The following MKNK1 variants were observed in gnomAD, a reference collection of about 807,000 sequenced individuals.
MKNK1 encodes the protein MAP kinase-interacting serine/threonine-protein kinase 1.
MKNK1 carries 30 observed loss-of-function variants against 49.3 expected under a neutral mutation model. The observed-to-expected ratio is 0.61, with a 90% CI of 0.46 to 0.83. The LOEUF is 0.83. Ranked by LOEUF, MKNK1 falls within the 40% of genes least tolerant of loss-of-function variation. The pLI is 0.00. For missense variants in MKNK1, 423 were observed against 524.7 expected, an observed-to-expected ratio of 0.81 and a Z score of 1.89; for synonymous variants, 176 against 201.7, an observed-to-expected ratio of 0.87 and a Z score of 1.08.
In MKNK1 at chr1:46,562,863, G is replaced by A; in HGVS notation, c.610-20C>T. On this transcript the variant is annotated intron_variant, in intron 9 of 12. Transcript: ENST00000371945. ...GCCACACTGTGGGGGCCAGGGTTGG[G>A]GGAGGGGGAGATGGCAGAGAACAGA... is the stretch of plus-strand genomic sequence containing the variant. The A allele has an allele frequency of 1.3e-6, 2 of 1,588,822 alleles. No individual in the cohort carries two copies. Among genetic ancestry groups the A allele is most frequent in the Middle Eastern group, 1.7e-4 (1 of 5,930 alleles).
Position 46,572,110 on chromosome 1 carries a change from C to T in MKNK1, c.410G>A (p.Arg137Gln), listed in dbSNP as rs780343868. 22 of 1,614,050 alleles carry T rather than the reference C, an allele frequency of 1.4e-5. No individual in the cohort carries two copies. The highest frequency in any genetic ancestry group is 4.5e-5 in the East Asian group (2 of 44,906). ...GGCAGCAGCAACGTCCCGCACCACT[C>T]GGCTGGCTTCTCGCTCATTGAAGTG... ...QKHFNEREAS[R>Q]VVRDVAAALD... Residue 137 changes from arginine (R) to glutamine (Q), a missense_variant, in exon 7 of 13, where the codon CGA (arginine) becomes CAA (glutamine). By Grantham distance (43) the Arg-to-Gln change is conservative. Transcript: ENST00000371945.
At chr1:46,600,324 A>T (rs967601977) in intron 1 of MKNK1, among the ~76,000 whole-genome samples, 7 of 152,230 alleles carry the variant, frequency 4.6e-5, no homozygotes, top group Admixed American at 4.6e-4. Context: ...ATTTCTCAAT[A>T]CCAGGGTCTT....
intron 3 of MKNK1, among the ~76,000 whole-genome samples, chr1:46,582,073 T>C (rs1426772035): frequency 6.6e-6 from 1 of 152,202 alleles, no homozygotes; most frequent in Non-Finnish European, 1.5e-5. Context: ...TTGCACAAGC[T>C]GTCCTTAAAA....
chr1:46,564,202 AG>A (rs1237580666), intron 9 of MKNK1, among the ~76,000 whole-genome samples: 1 of 152,106 alleles, frequency 6.6e-6, no homozygotes, highest in African/African-American at 2.4e-5. Context: ...GTGAAATCAG[AG>A]AAGCAAACAG....
At chr1:46,584,441 G>C (rs1351254588) in intron 2 of MKNK1, 3 of 151,878 alleles carry the variant, frequency 2.0e-5, no homozygotes, top group African/African-American at 7.3e-5. Flanking sequence ...TACGATGTGA[G>C]AGACTTTTAG....
chr1:46,571,505 A>T (rs578068599), intron 7 of MKNK1: 1 of 428,158 alleles, frequency 2.3e-6, no homozygotes, highest in Non-Finnish European at 4.6e-6. Flanking sequence ...ATGGCGCCAT[A>T]GCACTCCAGC....
intron 2 of MKNK1, among the ~76,000 whole-genome samples, chr1:46,590,457 T>C (rs1673175695): frequency 6.6e-6 from 1 of 152,234 alleles, no homozygotes; most frequent in African/African-American, 2.4e-5. Flanking sequence ...TACTAACTTA[T>C]TTAATCATCA....
chr1:46,585,249 CAAAAAAAAAAAAAAAAA>C (rs58692301), intron 2 of MKNK1, among the ~76,000 whole-genome samples: 2 of 62,132 alleles, frequency 3.2e-5, no homozygotes, highest in African/African-American at 6.3e-5. Flanking sequence ...GATTCCGTCT[CAAAAAAAAAAAAAAAAA>C]AAAAAAAAAA....
chr1:46,571,541 T>G (rs2148636875), intron 7 of MKNK1: 1 of 441,382 alleles, frequency 2.3e-6, no homozygotes, highest in Middle Eastern at 3.3e-4. Flanking sequence ...AGACTTTGTC[T>G]AAAAAGGAAA....
intron 5 of MKNK1, chr1:46,576,157 T>G (rs899972197): frequency 3.6e-5 from 7 of 195,232 alleles, no homozygotes; most frequent in Non-Finnish European, 6.3e-5. Flanking sequence ...TCTGCACATA[T>G]GTAAACATTC....
intron 3 of MKNK1, among the ~76,000 whole-genome samples, chr1:46,582,125 C>T (rs1671839419): frequency 6.6e-6 from 1 of 152,142 alleles, no homozygotes; most frequent in South Asian, 2.1e-4. Context: ...AGCAAAAGAG[C>T]TGTTGATTAG....
At chr1:46,597,868 C>T (rs1189591414) in intron 1 of MKNK1, among the ~76,000 whole-genome samples, 2 of 152,142 alleles carry the variant, frequency 1.3e-5, no homozygotes, top group African/African-American at 4.8e-5. Flanking sequence ...CAGTCTGGGT[C>T]ACTGCCACAA....
intron 3 of MKNK1, chr1:46,582,680 C>G (rs546343867): frequency 3.3e-5 from 12 of 359,378 alleles, no homozygotes; most frequent in Admixed American, 1.5e-4. Context: ...CCTAGTGCCT[C>G]GCACACAGAG....
At chr1:46,587,930 C>T (rs1672806065) in intron 2 of MKNK1, among the ~76,000 whole-genome samples, 1 of 152,156 alleles carries the variant, frequency 6.6e-6, no homozygotes, top group Non-Finnish European at 1.5e-5. Context: ...AGTAGAAAGA[C>T]TAGACAGAAA....
intron 7 of MKNK1, chr1:46,571,511 C>T (rs1393136647): frequency 2.3e-6 from 1 of 432,026 alleles, no homozygotes; most frequent in Non-Finnish European, 4.6e-6. Flanking sequence ...CCATAGCACT[C>T]CAGCCTAGGT....
intron 1 of MKNK1, among the ~76,000 whole-genome samples, chr1:46,599,130 C>T (rs888326730): frequency 7.2e-5 from 11 of 152,164 alleles, no homozygotes; most frequent in Middle Eastern, 3.2e-3. Context: ...AGCAACCCAA[C>T]GACTCTGTGA....
chr1:46,565,165 C>A, intron 8 of MKNK1, 29 bp from the exon 9 acceptor site: 2 of 1,604,642 alleles, frequency 1.2e-6, no homozygotes, highest in Non-Finnish European at 1.7e-6. Context: ...GACAGGGTCA[C>A]AGATATAAGA....
At chr1:46,603,699 G>A (rs1474466384) in intron 1 of MKNK1, among the ~76,000 whole-genome samples, 1 of 152,212 alleles carries the variant, frequency 6.6e-6, no homozygotes, top group Non-Finnish European at 1.5e-5. Flanking sequence ...CTGTCAGGGA[G>A]CTTGGAGCTC....
chr1:46,564,854 G>T (rs1466970056), intron 9 of MKNK1, among the ~76,000 whole-genome samples, 187 bp downstream of exon 9: 1 of 152,116 alleles, frequency 6.6e-6, no homozygotes, highest in African/African-American at 2.4e-5. Context: ...TGTCAGTTTC[G>T]TTAGCAACTA....
Sources: allele counts gnomAD v4.1 joint callset (sites outside exome capture counted in the v4.1 genomes callset), GRCh38; gene constraint gnomAD v4.1.1; transcripts MANE v1.5; gene names NCBI Gene and HGNC (gene_info 2026-07-23, HGNC 2026-07-21).